TRHDE: variants seen among roughly 807,000 people sequenced by gnomAD.
The protein encoded by TRHDE is thyrotropin-releasing hormone-degrading ectoenzyme.
TRHDE carries 72 observed loss-of-function variants against 125.7 expected under a neutral mutation model. The observed-to-expected ratio is 0.57, with a 90% CI of 0.47 to 0.70. TRHDE has a LOEUF of 0.70. Among genes scored for constraint, TRHDE ranks in the 30% least tolerant of loss-of-function variants. The probability of loss-of-function intolerance (pLI) is 0.00; values close to 1 mark genes in which losing one functional copy is unlikely to be tolerated. For synonymous variants in TRHDE, 509 were observed against 509.1 expected, an observed-to-expected ratio of 1.00 and a Z score of 0.00; for missense variants, 1,110 against 1,327.1, an observed-to-expected ratio of 0.84 and a Z score of 2.54.
intron 2 of TRHDE, among the ~76,000 whole-genome samples, chr12:72,321,306 A>G (rs956309353): frequency 5.3e-5 from 8 of 152,180 alleles, no homozygotes; most frequent in African/African-American, 1.9e-4. Flanking sequence ...GGCTTCTAGG[A>G]AAGAATTGGG....
At chr12:72,141,504 T>C (rs1048584462) in intron 2 of TRHDE, among the ~76,000 whole-genome samples, 1 of 152,018 alleles carries the variant, frequency 6.6e-6, no homozygotes, top group Non-Finnish European at 1.5e-5. Flanking sequence ...CACCAGGGGG[T>C]TCTGAAATAT....
chr12:72,264,567 G>A (rs1001802058), intron 2 of TRHDE: 1 of 151,958 alleles, frequency 6.6e-6, no homozygotes, highest in Non-Finnish European at 1.5e-5. Context: ...ATGAGAAACT[G>A]TTCTGGGATC....
At position 72,664,755 on chromosome 12, in the gene TRHDE, C is replaced by T. The variant is rs181869565; in HGVS notation, c.*1560C>T. 9.2e-5 allele frequency: 14 copies of T among 152,084 alleles called. No homozygotes were observed. The highest frequency in any genetic ancestry group is 1.9e-4 in the East Asian group (1 of 5,160). The allele number at this position is 152,084 out of a possible 1,614,324, so 9.4% of individuals were successfully genotyped here. A position where few individuals can be genotyped will look rare whatever the true frequency, so the allele number is the denominator to read the frequency against. On this transcript the variant is annotated 3_prime_UTR_variant, in exon 19 of 19. Transcript: ENST00000261180. ...TTGAAAGAAATATATTCTAACAGTA[C>T]GCACTGAATAGTGAAAATAATTAGA... is the stretch of plus-strand genomic sequence containing the variant.
chr12:72,240,021 G>A lies in TRHDE; in HGVS notation n.279+134269G>A, dbSNP rs73349081. ...ATAGTTTTACTGGAACTACTTTTGC[G>A]TGTGTTCTGTTCTCCAAAAGTTCTT... On this transcript the variant is annotated intron_variant and non_coding_transcript_variant, in intron 2 of 4. Transcript: ENST00000548156. 9.3e-3 allele frequency among the ~76,000 whole-genome samples: 1,408 copies of A among 152,182 alleles called. 22 individuals are homozygous for A. The highest frequency in any genetic ancestry group is 0.03 in the African/African-American group (1,262 of 41,528).
chr12:72,273,565 G>A lies in TRHDE; in HGVS notation c.914+8G>A, dbSNP rs1376512887. The A allele has an allele frequency of 6.3e-7, 1 of 1,576,200 alleles. No individual in the cohort carries two copies. Among genetic ancestry groups the A allele is most frequent in the Non-Finnish European group, 8.6e-7 (1 of 1,163,010 alleles). ...GCTCCACGGGGAGAGAAGGTATGGAGGGAGGCGGTGCCCCGCGCTGCCCCA... is the reference window on the plus strand; with the variant it reads ...GCTCCACGGGGAGAGAAGGTATGGAAGGAGGCGGTGCCCCGCGCTGCCCCA... On this transcript the variant is annotated splice_region_variant and intron_variant, in intron 1 of 18. Transcript: ENST00000261180. This position sits in a 1 kb window ranked among gnomAD's most constrained non-coding sequence, Gnocchi z 5.3.
At chr12:72,280,052 G>A (rs1293027148) in intron 1 of TRHDE, among the ~76,000 whole-genome samples, 1 of 151,928 alleles carries the variant, frequency 6.6e-6, no homozygotes, top group African/African-American at 2.4e-5. Flanking sequence ...TTGTTGTGTC[G>A]CTGGATGGAA....
intron 6 of TRHDE, among the ~76,000 whole-genome samples, chr12:72,502,731 T>C (rs1878208113): frequency 6.6e-6 from 1 of 152,208 alleles, no homozygotes; most frequent in Non-Finnish European, 1.5e-5. Context: ...CACTTATTCA[T>C]CATGCTTTCT....
At chr12:72,195,651 AT>A (rs1452351284) in intron 2 of TRHDE, among the ~76,000 whole-genome samples, 2 of 151,966 alleles carry the variant, frequency 1.3e-5, no homozygotes, top group African/African-American at 4.8e-5. Context: ...CTTTTGTCAG[AT>A]TCAGTTTGCA....
At chr12:72,366,211 A>C (rs764673424) in intron 2 of TRHDE, among the ~76,000 whole-genome samples, 3 of 152,124 alleles carry the variant, frequency 2.0e-5, no homozygotes, top group Non-Finnish European at 2.9e-5. Context: ...CAACATTAAG[A>C]TGTAGCTATC....
intron 6 of TRHDE, among the ~76,000 whole-genome samples, chr12:72,530,416 CTTTTTTTT>C (rs71438816): frequency 5.8e-5 from 4 of 68,500 alleles, no homozygotes; most frequent in African/African-American, 1.8e-4. Flanking sequence ...TTCCTAGAAG[CTTTTTTTT>C]TTTTTTTTTT....
chr12:72,300,575 C>T (rs549335362), intron 2 of TRHDE, among the ~76,000 whole-genome samples: 37 of 151,138 alleles, frequency 2.4e-4, no homozygotes, highest in Middle Eastern at 3.4e-3. Context: ...TGTGTGTGCA[C>T]GTGCATGTGT....
At chr12:72,238,992 ATT>A (rs1399710139) in intron 2 of TRHDE, among the ~76,000 whole-genome samples, 1 of 152,112 alleles carries the variant, frequency 6.6e-6, no homozygotes, top group African/African-American at 2.4e-5. Flanking sequence ...GGTTGAACTA[ATT>A]TACACTCCCC....
intron 1 of TRHDE, among the ~76,000 whole-genome samples, chr12:72,100,293 G>T (rs1875035837): frequency 6.6e-6 from 1 of 152,142 alleles, no homozygotes. Context: ...TTATTCAAAT[G>T]TTACTTAATG....
intron 3 of TRHDE, among the ~76,000 whole-genome samples, chr12:72,457,541 A>C (rs1359720637): frequency 6.6e-6 from 1 of 152,018 alleles, no homozygotes; most frequent in African/African-American, 2.4e-5. Flanking sequence ...AAAATTAAGC[A>C]ACCTTTGGGT....
At chr12:72,355,564 T>A (rs748263617) in intron 2 of TRHDE, among the ~76,000 whole-genome samples, 33 of 151,782 alleles carry the variant, frequency 2.2e-4, no homozygotes, top group Non-Finnish European at 1.2e-4. Context: ...TGGGAACTAA[T>A]TAAACTTAAG....
At chr12:72,329,217 T>C (rs1869471847) in intron 2 of TRHDE, among the ~76,000 whole-genome samples, 1 of 152,178 alleles carries the variant, frequency 6.6e-6, no homozygotes, top group South Asian at 2.1e-4. Context: ...GAGGGCATTA[T>C]GGCAAAGCTA....
intron 6 of TRHDE, among the ~76,000 whole-genome samples, chr12:72,535,757 A>G (rs1868826675): frequency 6.6e-6 from 1 of 152,074 alleles, no homozygotes; most frequent in Non-Finnish European, 1.5e-5. Flanking sequence ...CTTTTATTCC[A>G]TACCAAAAGA....
intron 15 of TRHDE, among the ~76,000 whole-genome samples, chr12:72,627,617 T>C (rs569513163): frequency 2.6e-4 from 39 of 152,022 alleles, no homozygotes; most frequent in Non-Finnish European, 4.4e-4. Flanking sequence ...TTGTGGACAG[T>C]TGCAATATTG....
chr12:72,149,523 T>C (rs1029834956), intron 2 of TRHDE, among the ~76,000 whole-genome samples: 5 of 152,178 alleles, frequency 3.3e-5, no homozygotes, highest in Admixed American at 2.0e-4. Context: ...CAGCTTGGCA[T>C]TTGCATGTTG....
Sources: gnomAD v4.1 joint callset for allele counts (sites outside exome capture counted in the v4.1 genomes callset) on GRCh38, gnomAD v4.1.1 for gene constraint, Gnocchi (gnomAD v3.1) non-coding constraint, MANE v1.5 for transcripts, NCBI Gene and HGNC (gene_info 2026-07-23, HGNC 2026-07-21) for gene names.